Variants in MAML2 observed in about 807,000 individuals in gnomAD.
The protein encoded by MAML2 is mastermind like transcriptional coactivator 2, also known as mastermind-like protein 2.
A neutral mutation model predicts 96.1 loss-of-function variants in MAML2; 22 were observed. That is an observed-to-expected ratio of 0.23 (90% CI 0.16 to 0.33). The LOEUF (loss-of-function observed/expected upper bound fraction) is 0.33, where lower values mean the gene tolerates loss of function less well. Among genes scored for constraint, MAML2 ranks in the 10% least tolerant of loss-of-function variants. MAML2 has a pLI of 1.00. For missense variants in MAML2, 1,367 were observed against 1,392.4 expected, an observed-to-expected ratio of 0.98 and a Z score of 0.29; for synonymous variants, 561 against 521.3, an observed-to-expected ratio of 1.08 and a Z score of -1.04.
rs1861353832 is a variant in MAML2 at position 96,174,644 on chromosome 11, AAAGTGCTAGGAT to A, written c.514-81139_514-81128del. ...GGTGATCCACCCGCCTTGGCCTCCC[AAAGTGCTAGGAT>A]TACAGGTGTGAACCCCACACCCAGC... On this transcript the variant is annotated intron_variant, in intron 1 of 4. Coordinates refer to ENST00000524717, the MANE Select transcript of MAML2 (RefSeq NM_032427.4). 7.2e-5 allele frequency among the ~76,000 whole-genome samples: 11 copies of A among 152,314 alleles called. No homozygotes were observed. The South Asian group carries it at 2.3e-3, about 32-fold the overall frequency.
At chr11:96,235,150 G>A (rs1862351098) in intron 1 of MAML2, among the ~76,000 whole-genome samples, 1 of 152,048 alleles carries the variant, frequency 6.6e-6, no homozygotes, top group Non-Finnish European at 1.5e-5. Flanking sequence ...ACCAAGTTTG[G>A]GATGTGGCTC....
chr11:96,001,762 C>A (rs540264693), intron 2 of MAML2, among the ~76,000 whole-genome samples: 2 of 152,322 alleles, frequency 1.3e-5, no homozygotes, highest in African/African-American at 4.8e-5. Flanking sequence ...ACTTTGGGAT[C>A]ACGTCCTAAC....
chr11:96,002,722 G>GGGGATGATAAGGAGGACGAT, intron 2 of MAML2, among the ~76,000 whole-genome samples: 3 of 44 alleles, frequency 0.068, no homozygotes, highest in Non-Finnish European at 0.15. Context: ...GGAGGACGAT[G>GGGGATGATAAGGAGGACGAT]GGGGATGATA....
intron 2 of MAML2, among the ~76,000 whole-genome samples, chr11:96,004,357 T>C (rs1399079416): frequency 6.6e-6 from 1 of 152,112 alleles, no homozygotes; most frequent in African/African-American, 2.4e-5. Context: ...ATGGCCAAAT[T>C]ATACATGAAA....
intron 2 of MAML2, among the ~76,000 whole-genome samples, chr11:96,049,543 G>T (rs1194209953): frequency 1.3e-5 from 2 of 152,124 alleles, no homozygotes; most frequent in Non-Finnish European, 2.9e-5. Context: ...ATAGGATTTG[G>T]ACTAACACTA....
At chr11:95,999,310 A>G (rs956144456) in intron 2 of MAML2, among the ~76,000 whole-genome samples, 1 of 152,190 alleles carries the variant, frequency 6.6e-6, no homozygotes, top group Non-Finnish European at 1.5e-5. Context: ...GATCTTTAAA[A>G]AAGATGTTAA....
chr11:96,243,360 C>G (rs1402818368), intron 1 of MAML2, among the ~76,000 whole-genome samples: 1 of 152,160 alleles, frequency 6.6e-6, no homozygotes, highest in African/African-American at 2.4e-5. Context: ...TGCCTGCACT[C>G]CTTAAACGGC....
At chr11:96,082,877 G>A (rs1859550278) in intron 2 of MAML2, among the ~76,000 whole-genome samples, 1 of 152,154 alleles carries the variant, frequency 6.6e-6, no homozygotes, top group Non-Finnish European at 1.5e-5. Flanking sequence ...GAGAGAGGAA[G>A]TATGCTGACT....
chr11:95,978,806 T>C lies in MAML2; in HGVS notation c.*142A>G. The C allele has an allele frequency of 1.3e-6, 1 of 749,968 alleles. No homozygotes were observed. The highest frequency in any genetic ancestry group is 2.1e-6 in the Non-Finnish European group (1 of 478,670). The allele number at this position is 749,968 out of a possible 1,614,324, so 46.5% of individuals were successfully genotyped here. On this transcript the variant is annotated 3_prime_UTR_variant, in exon 5 of 5. Transcript: ENST00000524717. ...GAATTTGGACCAAAATGTTCATCAC[T>C]GCAGTTACTTTCTGCTTTCCATTTT... is the stretch of plus-strand genomic sequence containing the variant.
At chr11:96,116,842 T>C (rs1047336482) in intron 1 of MAML2, among the ~76,000 whole-genome samples, 2 of 152,188 alleles carry the variant, frequency 1.3e-5, no homozygotes, top group African/African-American at 4.8e-5. Context: ...CAAAGTACTA[T>C]AGTAGCCTGT....
chr11:96,316,678 A>C (rs950994942), intron 1 of MAML2, among the ~76,000 whole-genome samples: 1 of 152,202 alleles, frequency 6.6e-6, no homozygotes, highest in Non-Finnish European at 1.5e-5. Flanking sequence ...AGGGGCCTGG[A>C]TTTTATTCTA....
At chr11:96,035,300 T>C (rs925926972) in intron 2 of MAML2, among the ~76,000 whole-genome samples, 1 of 152,220 alleles carries the variant, frequency 6.6e-6, no homozygotes, top group Admixed American at 6.5e-5. Flanking sequence ...CCATAAGTAA[T>C]TCTGATTTTA....
intron 1 of MAML2, among the ~76,000 whole-genome samples, chr11:96,128,531 C>A (rs1210721046): frequency 6.6e-6 from 1 of 152,208 alleles, no homozygotes; most frequent in Non-Finnish European, 1.5e-5. Flanking sequence ...GCTTGACACA[C>A]ACATGATCTG....
chr11:96,310,869 G>A (rs1863533172), intron 1 of MAML2, among the ~76,000 whole-genome samples: 1 of 152,190 alleles, frequency 6.6e-6, no homozygotes, highest in South Asian at 2.1e-4. Flanking sequence ...ACTCTTCTAA[G>A]GCATATTTTA....
At chr11:96,066,693 T>C (rs754526198) in intron 2 of MAML2, among the ~76,000 whole-genome samples, 3 of 152,150 alleles carry the variant, frequency 2.0e-5, no homozygotes, top group Non-Finnish European at 2.9e-5. Flanking sequence ...AGAAACCCTT[T>C]GAGGTGCTAG....
intron 1 of MAML2, among the ~76,000 whole-genome samples, chr11:96,192,214 GGTTGGATGGGCA>G (rs1861663423): frequency 6.6e-6 from 1 of 152,128 alleles, no homozygotes; most frequent in Non-Finnish European, 1.5e-5. Flanking sequence ...AAACATGGTG[GGTTGGATGGGCA>G]GTTAGGGAAT....
At chr11:96,122,834 G>A (rs1860373807) in intron 1 of MAML2, among the ~76,000 whole-genome samples, 1 of 152,166 alleles carries the variant, frequency 6.6e-6, no homozygotes, top group Non-Finnish European at 1.5e-5. Flanking sequence ...CCAGGGCAGA[G>A]GAAATACAAG....
At chr11:96,177,916 TTGTGTG>T (rs58447778) in intron 1 of MAML2, among the ~76,000 whole-genome samples, 2,892 of 139,902 alleles carry the variant, frequency 0.021, 87 homozygotes, top group African/African-American at 0.072. Context: ...GAGACCTTAG[TTGTGTG>T]TGTGTGTGTG....
chr11:96,029,142 T>G (rs1345031456), intron 2 of MAML2, among the ~76,000 whole-genome samples: 1 of 150,360 alleles, frequency 6.7e-6, no homozygotes, highest in East Asian at 1.9e-4. Flanking sequence ...CAACATCTGC[T>G]AGGGAAGTGA....
Sources: allele counts gnomAD v4.1 joint callset (sites outside exome capture counted in the v4.1 genomes callset), GRCh38; gene constraint gnomAD v4.1.1; transcripts MANE v1.5; gene names NCBI Gene and HGNC (gene_info 2026-07-23, HGNC 2026-07-21).